The following UTRN variants were observed in gnomAD, a reference collection of about 807,000 sequenced individuals.
UTRN encodes dystrophin-related protein 1.
A neutral mutation model predicts 463.9 loss-of-function variants in UTRN; 283 were observed. That is an observed-to-expected ratio of 0.61 (90% CI 0.55 to 0.67). The LOEUF (loss-of-function observed/expected upper bound fraction) is 0.67. Ranked by LOEUF, UTRN falls within the 30% of genes least tolerant of loss-of-function variation. UTRN has a pLI of 0.00. For synonymous variants in UTRN, 1,442 were observed against 1,431.5 expected, an observed-to-expected ratio of 1.01 and a Z score of -0.17; for missense variants, 3,922 against 4,084.3, an observed-to-expected ratio of 0.96 and a Z score of 1.08.
At chr6:144,830,872 G>A (rs965998073) in intron 69 of UTRN, among the ~76,000 whole-genome samples, 20 of 152,146 alleles carry the variant, frequency 1.3e-4, no homozygotes, top group African/African-American at 4.8e-4. Context: ...CTGTCAGGTG[G>A]TGTACAAATG....
chr6:144,375,503 T>C (rs2114723035), intron 2 of UTRN, among the ~76,000 whole-genome samples: 1 of 152,350 alleles, frequency 6.6e-6, no homozygotes, highest in Admixed American at 6.5e-5. Flanking sequence ...TTATTATCAA[T>C]CTCAAGATCA....
chr6:144,358,959 A>G (rs1778805678), intron 2 of UTRN, among the ~76,000 whole-genome samples: 1 of 152,190 alleles, frequency 6.6e-6, no homozygotes, highest in Non-Finnish European at 1.5e-5. Context: ...TTTTCGTTTG[A>G]CATTACTTCA....
intron 51 of UTRN, among the ~76,000 whole-genome samples, chr6:144,643,854 G>C (rs980187524): frequency 2.0e-5 from 3 of 151,934 alleles, no homozygotes; most frequent in Non-Finnish European, 4.4e-5. Context: ...ATCAAAAATT[G>C]CAGCACTATA....
intron 74 of UTRN, among the ~76,000 whole-genome samples, chr6:144,848,112 G>T (rs898699411): frequency 6.6e-6 from 1 of 152,166 alleles, no homozygotes; most frequent in Non-Finnish European, 1.5e-5. Context: ...TTGTCTAAGT[G>T]AATTGGAAGC....
chr6:144,488,854 G>A lies in UTRN; in HGVS notation c.4134+20G>A, dbSNP rs1792742723. On this transcript the variant is annotated intron_variant, in intron 30 of 74. Transcript: ENST00000367545. ...GCTCAGGTATTGCCGTGCATTTGAG[G>A]GCTTTTGAGCTGTAAAGAGAGCTTT... The A allele has an allele frequency of 6.4e-7, 1 of 1,573,952 alleles. No individual in the cohort carries two copies.
intron 2 of UTRN, among the ~76,000 whole-genome samples, chr6:144,315,091 G>A (rs568524961): frequency 1.3e-5 from 2 of 152,082 alleles, no homozygotes; most frequent in Non-Finnish European, 2.9e-5. Context: ...CACTTAGTGG[G>A]CTATAAGAGT....
intron 25 of UTRN, among the ~76,000 whole-genome samples, chr6:144,478,352 G>A (rs1418540583): frequency 6.6e-6 from 1 of 152,102 alleles, no homozygotes; most frequent in Non-Finnish European, 1.5e-5. Context: ...AAATTATATT[G>A]CTGACTAGTG....
intron 52 of UTRN, among the ~76,000 whole-genome samples, chr6:144,694,376 T>G (rs1783761023): frequency 6.6e-6 from 1 of 151,944 alleles, no homozygotes; most frequent in Admixed American, 6.6e-5. Flanking sequence ...TCTGGCAGGT[T>G]TTGGTATCAG....
At chr6:144,721,198 A>G (rs540340210) in intron 53 of UTRN, among the ~76,000 whole-genome samples, 2 of 152,292 alleles carry the variant, frequency 1.3e-5, no homozygotes, top group South Asian at 4.1e-4. Context: ...ACATGATTTC[A>G]GTATTCCCTT....
intron 54 of UTRN, among the ~76,000 whole-genome samples, chr6:144,745,409 G>GT (rs1452096274): frequency 6.6e-6 from 1 of 151,536 alleles, no homozygotes; most frequent in East Asian, 1.9e-4. Context: ...TTTTTGTTTT[G>GT]TTTTTTACTT....
In UTRN at chr6:144,451,356, G is replaced by T; in HGVS notation, c.2073-14G>T. On this transcript the variant is annotated splice_polypyrimidine_tract_variant and intron_variant, in intron 17 of 74. Coordinates refer to ENST00000367545, the MANE Select transcript of UTRN (RefSeq NM_007124.3). Reference sequence around the variant, plus strand: ...GGAAACATGACAAATGGTCACCTCTGAATCTTCAAACAGGTTTGATGCTAT... The same window carrying T: ...GGAAACATGACAAATGGTCACCTCTTAATCTTCAAACAGGTTTGATGCTAT... 6.2e-7 allele frequency: 1 copy of T among 1,606,810 alleles called. No homozygotes were observed. Among genetic ancestry groups the T allele is most frequent in the Non-Finnish European group, 8.5e-7 (1 of 1,177,566 alleles).
intron 51 of UTRN, among the ~76,000 whole-genome samples, chr6:144,634,854 T>G (rs1585692511): frequency 6.6e-6 from 1 of 152,214 alleles, no homozygotes; most frequent in African/African-American, 2.4e-5. Context: ...TACTTTCCTT[T>G]CTCTTCATTG....
intron 47 of UTRN, among the ~76,000 whole-genome samples, chr6:144,550,597 A>T (rs985248145): frequency 3.9e-5 from 6 of 152,226 alleles, no homozygotes; most frequent in African/African-American, 1.4e-4. Flanking sequence ...GCAAGTCATC[A>T]TCAGCAGCAA....
rs1326504404 is a variant in UTRN at position 144,561,068 on chromosome 6, A to G, written c.7289+3757A>G. On this transcript the variant is annotated intron_variant, in intron 50 of 74. Coordinates refer to ENST00000367545, the MANE Select transcript of UTRN (RefSeq NM_007124.3). ...TTTTTCCTTCCATCTCTTAATGCTA[A>G]TTAACAAATTTTCTAGTGCCAGTTG... is the stretch of plus-strand genomic sequence containing the variant. Among the ~76,000 whole-genome samples the G allele has an allele frequency of 2.0e-5, 3 of 150,998 alleles. No homozygotes were observed. The East Asian group carries it at 5.8e-4, about 29-fold the overall frequency.
intron 51 of UTRN, among the ~76,000 whole-genome samples, chr6:144,625,438 AT>A (rs1775847360): frequency 6.6e-6 from 1 of 152,174 alleles, no homozygotes; most frequent in East Asian, 1.9e-4. Flanking sequence ...TGCATATTTG[AT>A]TCCTTAACTT....
At chr6:144,349,600 A>C (rs1777933389) in intron 2 of UTRN, among the ~76,000 whole-genome samples, 1 of 152,210 alleles carries the variant, frequency 6.6e-6, no homozygotes. Context: ...TTTTAGGTAG[A>C]GTCTAGGGTA....
At chr6:144,568,496 C>T (rs1056854805) in intron 50 of UTRN, among the ~76,000 whole-genome samples, 6 of 152,192 alleles carry the variant, frequency 3.9e-5, no homozygotes, top group East Asian at 3.9e-4. Context: ...TTTCTTGAGA[C>T]GTAGCAGTCA....
At chr6:144,637,470 C>T (rs1298122554) in intron 51 of UTRN, among the ~76,000 whole-genome samples, 7 of 151,738 alleles carry the variant, frequency 4.6e-5, no homozygotes, top group East Asian at 3.8e-4. Context: ...AAATAATGCA[C>T]GTTTCTTGAA....
At chr6:144,847,671 G>C (rs1439531630) in intron 74 of UTRN, among the ~76,000 whole-genome samples, 2 of 152,020 alleles carry the variant, frequency 1.3e-5, no homozygotes, top group Non-Finnish European at 2.9e-5. Context: ...ACATTGTCAG[G>C]GTGAAATTCA....
Sources: gnomAD v4.1 joint callset for allele counts (sites outside exome capture counted in the v4.1 genomes callset) on GRCh38, gnomAD v4.1.1 for gene constraint, MANE v1.5 for transcripts, NCBI Gene and HGNC (gene_info 2026-07-23, HGNC 2026-07-21) for gene names.